RTEL1: variants seen among roughly 807,000 people sequenced by gnomAD.
RTEL1 encodes the protein regulator of telomere elongation helicase 1.
A neutral mutation model predicts 162.2 loss-of-function variants in RTEL1; 86 were observed. The observed-to-expected ratio is 0.53, with a 90% CI of 0.45 to 0.63. The LOEUF (loss-of-function observed/expected upper bound fraction) is 0.63, where lower values mean the gene tolerates loss of function less well. Among genes scored for constraint, RTEL1 ranks in the 30% least tolerant of loss-of-function variants. RTEL1 has a pLI of 0.00. For missense variants in RTEL1, 1,941 were observed against 1,750.2 expected (o/e 1.11, Z -1.95); for synonymous variants, 958 against 717.9 (o/e 1.33, Z -5.35).
At chr20:63,667,597 G>T (rs1191729304) in intron 8 of RTEL1, 44 bp downstream of exon 8, 19 of 1,474,080 alleles carry the variant, frequency 1.3e-5, no homozygotes, top group Non-Finnish European at 1.7e-5. Context: ...ATGTCCAGGG[G>T]TGTCCCTGGG....
At chr20:63,673,870 C>A in intron 9 of RTEL1, 70 bp from the exon 10 acceptor site, 1 of 1,516,816 alleles carries the variant, frequency 6.6e-7, no homozygotes. Context: ...GCACCCCCAC[C>A]CCATTTCTGC....
At chr20:63,664,365 C>T (rs924113897) in intron 6 of RTEL1, among the ~76,000 whole-genome samples, 1 of 152,206 alleles carries the variant, frequency 6.6e-6, no homozygotes, top group African/African-American at 2.4e-5. Context: ...GCCTGGCCGG[C>T]CGTGGTCCTG....
rs115580769 is a variant in RTEL1 at position 63,687,077 on chromosome 20, A to G, written c.1349-561A>G. The G allele has an allele frequency of 2.7e-3, 416 of 153,020 alleles. 4 individuals are homozygous for G. The highest frequency in any genetic ancestry group is 9.5e-3 in the African/African-American group (396 of 41,546). 9.5% of individuals were successfully genotyped at this position (153,020 alleles called of 1,614,324 possible). A position where few individuals can be genotyped will look rare whatever the true frequency, so the allele number is the denominator to read the frequency against. The stretch of plus-strand genomic sequence containing the variant: ...GCTTGTGCCGTGTTGAATTCCCGGC[A>G]TCCGGCATCCAGACTCAGCCTCCTC... On this transcript the variant is annotated intron_variant, in intron 16 of 34. Transcript: ENST00000360203.
In RTEL1 at chr20:63,696,147, C is replaced by T. The variant is rs1175176182; in HGVS notation, c.*289C>T. The stretch of plus-strand genomic sequence containing the variant: ...TGTGAGTGGTGCCACAGGGGCACCC[C>T]AGCTGAGCCCCTCACCGGGAAGGAG... On this transcript the variant is annotated 3_prime_UTR_variant, in exon 35 of 35. Transcript: ENST00000360203. The T allele has an allele frequency of 3.2e-5, 16 of 499,088 alleles. No homozygotes were observed. The highest frequency in any genetic ancestry group is 5.2e-4 in the Middle Eastern group (1 of 1,926). 30.9% of individuals were successfully genotyped at this position (499,088 alleles called of 1,614,324 possible).
At chr20:63,689,710 G>C in intron 23 of RTEL1, 40 bp from the exon 24 acceptor site, 1 of 1,605,980 alleles carries the variant, frequency 6.2e-7, no homozygotes, top group African/African-American at 1.3e-5. Context: ...CCGCCCCGTG[G>C]CCAAGGGAGC....
intron 14 of RTEL1, among the ~76,000 whole-genome samples, chr20:63,684,162 T>C (rs1219218386): frequency 6.6e-6 from 1 of 152,182 alleles, no homozygotes; most frequent in East Asian, 1.9e-4. Flanking sequence ...CCTCCATGCC[T>C]TCTGACGTCA....
intron 31 of RTEL1, 59 bp downstream of exon 31, chr20:63,694,547 C>T (rs956915592): frequency 7.0e-5 from 98 of 1,399,410 alleles, no homozygotes; most frequent in Admixed American, 1.9e-4. Context: ...AGTGGCTTCA[C>T]GAGGCTAACT....
intron 26 of RTEL1, 49 bp downstream of exon 26, chr20:63,690,490 C>CGGGGGG: frequency 5.6e-6 from 3 of 534,850 alleles, no homozygotes; most frequent in Non-Finnish European, 9.5e-6. Context: ...GCGGAGCGGG[C>CGGGGGG]GGCGTGGGGC....
chr20:63,658,920 G>A (rs2089964013), intron 1 of RTEL1, among the ~76,000 whole-genome samples: 1 of 152,262 alleles, frequency 6.6e-6, no homozygotes, highest in Non-Finnish European at 1.5e-5. Context: ...CCGCTCTGAC[G>A]TTGCGCCTGG....
At chr20:63,693,462 T>TTCACCACCACCA (rs377133003) in intron 30 of RTEL1, among the ~76,000 whole-genome samples, 179 bp downstream of exon 30, 4 of 9,550 alleles carry the variant, frequency 4.2e-4, no homozygotes, top group East Asian at 3.5e-3. Flanking sequence ...CACCTCCACC[T>TTCACCACCACCA]CCACCTCCAC....
intron 12 of RTEL1, among the ~76,000 whole-genome samples, chr20:63,679,443 C>T (rs1484144716): frequency 6.6e-6 from 1 of 151,298 alleles, no homozygotes; most frequent in Non-Finnish European, 1.5e-5. Context: ...CTCCCAGAAG[C>T]CCCTGACAAC....
chr20:63,659,701 G>A (rs2146142449), intron 2 of RTEL1, among the ~76,000 whole-genome samples, 197 bp downstream of exon 2: 1 of 152,296 alleles, frequency 6.6e-6, no homozygotes, highest in African/African-American at 2.4e-5. Flanking sequence ...GAAGGGGGCC[G>A]GCCCCTCCAC....
In RTEL1 at chr20:63,692,903, G is replaced by A; in HGVS notation, c.2751G>A (p.Gln917=). ...LSQANFATFT[Q]ALQDYKGSDD... ...AAGCCAACTTTGCCACCTTCACCCA[G>A]GCCCTGCAGGACTACAAGGGTTCCG... Residue 917 remains glutamine, a synonymous_variant, in exon 29 of 35, where the codon CAG becomes CAA. Coordinates refer to ENST00000360203, the MANE Select transcript of RTEL1 (RefSeq NM_001283009.2). 2 of 1,612,660 alleles carry A rather than the reference G, an allele frequency of 1.2e-6. No individual in the cohort carries two copies. Among genetic ancestry groups the A allele is most frequent in the Non-Finnish European group, 1.7e-6 (2 of 1,179,866 alleles).
Position 63,692,957 on chromosome 20 carries a change from C to A in RTEL1, c.2805C>A (p.Leu935=), listed in dbSNP as rs12625047. The A allele has an allele frequency of 6.2e-7, 1 of 1,612,548 alleles. No individual in the cohort carries two copies. Among genetic ancestry groups the A allele is most frequent in the South Asian group, 1.1e-5 (1 of 91,092 alleles). ...ACTTCGCCGCCCTGGCCGCCTGTCT[C>A]GGCCCCCTCTTTGCTGAGGACCCCA... The part of the protein sequence containing the change: ...SDDFAALAAC[L]GPLFAEDPKK... Residue 935 remains leucine, a synonymous_variant, in exon 29 of 35, where the codon CTC becomes CTA. Coordinates refer to ENST00000360203, the MANE Select transcript of RTEL1 (RefSeq NM_001283009.2).
intron 26 of RTEL1, 42 bp downstream of exon 26, chr20:63,690,483 GAGCGGGCGGC>G: frequency 7.8e-6 from 10 of 1,280,942 alleles, no homozygotes; most frequent in Non-Finnish European, 1.1e-5. Context: ...GGGGGTGGCG[GAGCGGGCGGC>G]GTGGGGCGGG....
intron 30 of RTEL1, among the ~76,000 whole-genome samples, chr20:63,693,939 CCT>C (rs796638570): frequency 3.9e-4 from 59 of 151,330 alleles, no homozygotes; most frequent in African/African-American, 1.2e-3. Flanking sequence ...GTCCTAGACC[CCT>C]GTCCTCCCTG....
chr20:63,695,178 G>GCTT lies in RTEL1; in HGVS notation c.3457_3459dup (p.Leu1153dup), dbSNP rs2090944228. On this transcript the variant is annotated inframe_insertion, in exon 33 of 35. Coordinates refer to ENST00000360203, the MANE Select transcript of RTEL1 (RefSeq NM_001283009.2). ...AGCCACCGGGACCCCAGGAGGAGAG[G>GCTT]CTTGCCGTGCCTCCTGTGCTTACCC... 6.2e-7 allele frequency: 1 copy of GCTT among 1,612,134 alleles called. No individual in the cohort carries two copies. The highest frequency in any genetic ancestry group is 1.3e-5 in the African/African-American group (1 of 74,882).
chr20:63,687,574 C>T (rs2090625360), intron 16 of RTEL1, 64 bp from the exon 17 acceptor site: 14 of 1,496,276 alleles, frequency 9.4e-6, no homozygotes, highest in Admixed American at 2.0e-5. Flanking sequence ...GGCAGAGAGG[C>T]AGGTGGTCAG....
At chr20:63,690,711 G>T in intron 26 of RTEL1, 94 bp from the exon 27 acceptor site, 1 of 1,404,780 alleles carries the variant, frequency 7.1e-7, no homozygotes, top group Non-Finnish European at 9.5e-7. Flanking sequence ...GACCCCAAGT[G>T]CTGGGACTCT....
Sources: allele counts gnomAD v4.1 joint callset (sites outside exome capture counted in the v4.1 genomes callset), GRCh38; gene constraint gnomAD v4.1.1; transcripts MANE v1.5; gene names NCBI Gene and HGNC (gene_info 2026-07-23, HGNC 2026-07-21).